Variants in LRMDA observed in about 807,000 individuals in gnomAD.
LRMDA encodes the protein leucine rich melanocyte differentiation associated.
LRMDA carries 18 observed loss-of-function variants against 29.8 expected under a neutral mutation model. That is an observed-to-expected ratio of 0.60 (90% CI 0.42 to 0.90). LRMDA has a LOEUF of 0.90. Ranked by LOEUF, LRMDA falls within the 40% of genes least tolerant of loss-of-function variation. LRMDA has a pLI of 0.00. For missense variants in LRMDA, 273 were observed against 273.9 expected (o/e 1.00, Z 0.02); for synonymous variants, 125 against 109.4 (o/e 1.14, Z -0.89).
chr10:76,461,389 C>T (rs1842510314), intron 6 of LRMDA, among the ~76,000 whole-genome samples: 1 of 152,158 alleles, frequency 6.6e-6, no homozygotes, highest in Non-Finnish European at 1.5e-5. Context: ...TTCGCATAGC[C>T]TATCAGTCAG....
chr10:75,633,505 A>G (rs757671772), intron 2 of LRMDA, among the ~76,000 whole-genome samples: 2 of 152,236 alleles, frequency 1.3e-5, no homozygotes, highest in African/African-American at 4.8e-5. Flanking sequence ...AGTCAAGTTT[A>G]GTGATGTTTT....
At chr10:75,539,998 A>G (rs1839997130) in intron 2 of LRMDA, among the ~76,000 whole-genome samples, 1 of 152,194 alleles carries the variant, frequency 6.6e-6, no homozygotes, top group Non-Finnish European at 1.5e-5. Context: ...TTGAGCACCT[A>G]TTACTATCTG....
chr10:76,255,150 G>A (rs1852569700), intron 5 of LRMDA, among the ~76,000 whole-genome samples: 1 of 152,152 alleles, frequency 6.6e-6, no homozygotes, highest in Admixed American at 6.5e-5. Flanking sequence ...CACCAAAAAG[G>A]TCATTAAAAT....
intron 2 of LRMDA, among the ~76,000 whole-genome samples, chr10:75,659,287 T>G (rs1378049583): frequency 6.6e-6 from 1 of 152,220 alleles, no homozygotes; most frequent in Non-Finnish European, 1.5e-5. Context: ...AGTTTTTGCT[T>G]AAAACCCAGC....
At chr10:75,635,111 T>G (rs539598649) in intron 2 of LRMDA, among the ~76,000 whole-genome samples, 24 of 152,296 alleles carry the variant, frequency 1.6e-4, no homozygotes, top group African/African-American at 5.8e-4. Flanking sequence ...AATTGGGACC[T>G]GTTTGGGGCA....
chr10:75,722,627 T>C (rs1842582109), intron 2 of LRMDA, among the ~76,000 whole-genome samples: 1 of 152,156 alleles, frequency 6.6e-6, no homozygotes, highest in South Asian at 2.1e-4. Flanking sequence ...CAAATCTGAC[T>C]CTGTATGGTA....
chr10:76,276,358 G>T (rs1256221523), intron 5 of LRMDA, among the ~76,000 whole-genome samples: 1 of 151,588 alleles, frequency 6.6e-6, no homozygotes, highest in African/African-American at 2.4e-5. Flanking sequence ...TGTCCAGACT[G>T]GTCTCAAGCC....
At chr10:76,182,070 T>C (rs75560189) in intron 5 of LRMDA, among the ~76,000 whole-genome samples, 2,157 of 152,278 alleles carry the variant, frequency 0.014, 49 homozygotes, top group African/African-American at 0.049. Flanking sequence ...CTGAGAAGTA[T>C]ATTAAGTTCG....
At chr10:75,923,840 T>C (rs981505603) in intron 2 of LRMDA, among the ~76,000 whole-genome samples, 6 of 152,154 alleles carry the variant, frequency 3.9e-5, no homozygotes, top group Non-Finnish European at 8.8e-5. Flanking sequence ...CCCCCTTGCA[T>C]TGGAGTAAGT....
chr10:75,449,529 C>CT (rs5786173), intron 2 of LRMDA, among the ~76,000 whole-genome samples: 111,969 of 146,068 alleles, frequency 0.77, 43,115 homozygotes, highest in Middle Eastern at 0.84. Flanking sequence ...AAGTTTCCTT[C>CT]TTTTTTTTTT....
At chr10:75,924,507 G>A (rs1846084940) in intron 2 of LRMDA, among the ~76,000 whole-genome samples, 1 of 152,188 alleles carries the variant, frequency 6.6e-6, no homozygotes, top group African/African-American at 2.4e-5. Context: ...GTGCTGAGGG[G>A]GAGAGAACAG....
intron 5 of LRMDA, among the ~76,000 whole-genome samples, chr10:76,311,186 A>G (rs1161456937): frequency 5.3e-5 from 8 of 152,192 alleles, no homozygotes; most frequent in African/African-American, 1.7e-4. Context: ...CACGTATCCT[A>G]TTCATGCCCA....
chr10:76,535,764 A>G (rs1228800799), intron 6 of LRMDA: 1 of 152,016 alleles, frequency 6.6e-6, no homozygotes, highest in Admixed American at 6.6e-5. Context: ...TATATATACC[A>G]TTTTATTTTA....
chr10:76,424,788 A>G (rs1180685087), intron 6 of LRMDA, among the ~76,000 whole-genome samples: 2 of 152,204 alleles, frequency 1.3e-5, no homozygotes, highest in Non-Finnish European at 2.9e-5. Context: ...CAGTTTGTTG[A>G]TTAGGCAAAA....
intron 2 of LRMDA, among the ~76,000 whole-genome samples, chr10:75,722,962 A>G (rs979579366): frequency 1.3e-5 from 2 of 152,104 alleles, no homozygotes; most frequent in African/African-American, 4.8e-5. Context: ...CCCAAGAGGA[A>G]CTCATTTAGG....
intron 6 of LRMDA, among the ~76,000 whole-genome samples, chr10:76,470,005 A>G (rs1199103157): frequency 1.3e-5 from 2 of 152,142 alleles, no homozygotes; most frequent in Non-Finnish European, 2.9e-5. Context: ...ATTAGAAACA[A>G]TGGAGACCAG....
intron 6 of LRMDA, among the ~76,000 whole-genome samples, chr10:76,415,623 C>CAT (rs371304358): frequency 2.0e-5 from 1 of 50,320 alleles, no homozygotes; most frequent in Non-Finnish European, 6.1e-5. Context: ...TGTGTGTGTG[C>CAT]GTGTGTGTAT....
intron 2 of LRMDA, among the ~76,000 whole-genome samples, chr10:75,438,885 AT>A (rs1844293579): frequency 6.6e-6 from 1 of 152,182 alleles, no homozygotes. Flanking sequence ...CTTTCTTAGG[AT>A]AAACACATGT....
At chr10:75,896,137 C>G (rs775514284) in intron 2 of LRMDA, among the ~76,000 whole-genome samples, 3 of 152,178 alleles carry the variant, frequency 2.0e-5, no homozygotes, top group East Asian at 1.9e-4. Context: ...CTCGTTATTA[C>G]AGTCATTCAT....
Sources: allele counts gnomAD v4.1 joint callset (sites outside exome capture counted in the v4.1 genomes callset), GRCh38; gene constraint gnomAD v4.1.1; transcripts MANE v1.5; gene names NCBI Gene and HGNC (gene_info 2026-07-23, HGNC 2026-07-21).